Variants in KIAA1671 observed in about 807,000 individuals in gnomAD.
The protein encoded by KIAA1671 is uncharacterized protein KIAA1671.
In KIAA1671, 52 loss-of-function variants were observed where a neutral mutation model predicts 131.2. The observed-to-expected ratio is 0.40, with a 90% CI of 0.32 to 0.50. The LOEUF (loss-of-function observed/expected upper bound fraction) is 0.50. Ranked by LOEUF, KIAA1671 falls within the 20% of genes least tolerant of loss-of-function variation. The pLI, the probability that KIAA1671 is intolerant of heterozygous loss-of-function variation, is 0.73. For missense variants in KIAA1671, 2,360 were observed against 2,364.2 expected (o/e 1.00, Z 0.04); for synonymous variants, 1,003 against 961.6 (o/e 1.04, Z -0.80).
intron 6 of KIAA1671, among the ~76,000 whole-genome samples, chr22:25,156,148 G>A (rs981056738): frequency 2.1e-5 from 3 of 145,140 alleles, no homozygotes; most frequent in Admixed American, 7.2e-5. Context: ...TCAGCCTCCC[G>A]AGTAGCTGGG....
intron 1 of KIAA1671, among the ~76,000 whole-genome samples, chr22:24,991,153 G>A (rs563067691): frequency 2.6e-5 from 4 of 152,180 alleles, no homozygotes; most frequent in African/African-American, 9.6e-5. Flanking sequence ...CTGAGTAGCT[G>A]GGACTACAGG....
chr22:24,980,571 A>G (rs577161620), intron 1 of KIAA1671, among the ~76,000 whole-genome samples: 13 of 152,050 alleles, frequency 8.5e-5, no homozygotes, highest in African/African-American at 1.9e-4. Flanking sequence ...CACCCAGCCC[A>G]GTTTCTTTGA....
chr22:25,107,549 A>G (rs55754507), intron 6 of KIAA1671, among the ~76,000 whole-genome samples: 10 of 128,956 alleles, frequency 7.8e-5, no homozygotes, highest in African/African-American at 3.1e-4. Flanking sequence ...ATCACAGCTC[A>G]CTGCAGCCTT....
At chr22:25,004,291 T>G (rs1410160744) in intron 1 of KIAA1671, among the ~76,000 whole-genome samples, 2 of 152,076 alleles carry the variant, frequency 1.3e-5, no homozygotes, top group Non-Finnish European at 2.9e-5. Flanking sequence ...AATTTTTGTA[T>G]TTTTTGTAGA....
At chr22:24,969,585 A>C (rs1922492777) in intron 1 of KIAA1671, among the ~76,000 whole-genome samples, 1 of 152,230 alleles carries the variant, frequency 6.6e-6, no homozygotes, top group Non-Finnish European at 1.5e-5. Context: ...ACAGATAAAT[A>C]AAAAGGAGAT....
intron 6 of KIAA1671, among the ~76,000 whole-genome samples, chr22:25,128,868 A>T (rs1315568964): frequency 6.6e-6 from 1 of 152,186 alleles, no homozygotes; most frequent in Non-Finnish European, 1.5e-5. Flanking sequence ...GCTGGTTTGG[A>T]TTCCGTCCTT....
rs1419930566 is a variant in KIAA1671, at chr22:25,040,132, A to G, written c.3002A>G (p.Glu1001Gly). 2.7e-5 allele frequency: 42 copies of G among 1,551,694 alleles called. No homozygotes were observed. Among genetic ancestry groups the G allele is most frequent in the Non-Finnish European group, 3.5e-5 (40 of 1,146,990 alleles). Residue 1001 changes from glutamate (E) to glycine (G), a missense_variant, in exon 5 of 13, where the codon GAG (glutamate) becomes GGG (glycine). Around this residue, in one of 3 missense-constraint regions of KIAA1671, gnomAD observed 1,161 missense variants for 1,204.7 expected, o/e 0.96. Coordinates refer to ENST00000358431, the MANE Select transcript of KIAA1671 (RefSeq NM_001145206.2). ...QLSHYRVETQ[E>G]VNPGASRDQT... ...TCCCACTACAGGGTGGAGACCCAGG[A>G]GGTGAACCCAGGTGCTTCACGGGAC...
Position 25,006,222 on chromosome 22 carries a change from G to A in KIAA1671, c.-207-19411G>A, listed in dbSNP as rs373904339. Among the ~76,000 whole-genome samples, 67 of 152,044 alleles carry A rather than the reference G, an allele frequency of 4.4e-4. No individual in the cohort carries two copies. In the East Asian group the frequency reaches 7.4e-3, roughly 17 times the overall value. On this transcript the variant is annotated intron_variant, in intron 1 of 12. Transcript: ENST00000358431. ...AGTTTTTTGTATTTTTAGTAGAGAC[G>A]GGGTTTCACCATGTTGGCCAGGCTG...
intron 6 of KIAA1671, among the ~76,000 whole-genome samples, chr22:25,094,378 C>T (rs1437218387): frequency 2.0e-5 from 3 of 152,034 alleles, no homozygotes; most frequent in African/African-American, 7.3e-5. Flanking sequence ...ACCTGAAGGG[C>T]CCTTATAGAT....
At chr22:25,184,565 G>A (rs1286500003) in intron 10 of KIAA1671, among the ~76,000 whole-genome samples, 1 of 152,136 alleles carries the variant, frequency 6.6e-6, no homozygotes, top group African/African-American at 2.4e-5. Flanking sequence ...GTTTTCTTAT[G>A]GGACTCTAAT....
chr22:25,157,279 G>A (rs1294999302), intron 6 of KIAA1671, among the ~76,000 whole-genome samples: 1 of 152,178 alleles, frequency 6.6e-6, no homozygotes, highest in Admixed American at 6.5e-5. Flanking sequence ...CTCTCCTAGA[G>A]ACAAGTATGA....
In KIAA1671 at chr22:25,039,382, C is replaced by G; in HGVS notation, c.2252C>G (p.Ala751Gly). 1 of 1,551,836 alleles carries G rather than the reference C, an allele frequency of 6.4e-7. No homozygotes were observed. The highest frequency in any genetic ancestry group is 8.7e-7 in the Non-Finnish European group (1 of 1,147,034). ...GTGCACAGCGAGGCCATCTCACCGG[C>G]ACCGGAGGAGAAAGCGGTCACGCTC... ...ERVHSEAISP[A>G]PEEKAVTLRS... Residue 751 changes from alanine (A) to glycine (G), a missense_variant, in exon 5 of 13, where the codon GCA becomes GGA. By Grantham distance (60) the Ala-to-Gly change is moderately conservative (BLOSUM62 0). Transcript: ENST00000358431.
intron 1 of KIAA1671, among the ~76,000 whole-genome samples, chr22:24,959,587 T>A (rs1180583829): frequency 6.6e-6 from 1 of 152,036 alleles, no homozygotes; most frequent in African/African-American, 2.4e-5. Context: ...CACATATATA[T>A]ATTTTTTCCT....
chr22:24,963,671 T>C (rs1006085033), intron 1 of KIAA1671, among the ~76,000 whole-genome samples: 1 of 152,074 alleles, frequency 6.6e-6, no homozygotes, highest in African/African-American at 2.4e-5. Flanking sequence ...CCGGGTGCGG[T>C]GGCTCACACC....
At chr22:25,077,317 C>T (rs1287654023) in intron 6 of KIAA1671, among the ~76,000 whole-genome samples, 1 of 149,222 alleles carries the variant, frequency 6.7e-6, no homozygotes, top group East Asian at 1.9e-4. Context: ...AGGAACTGTG[C>T]TGAGGATTAG....
intron 1 of KIAA1671, among the ~76,000 whole-genome samples, chr22:24,994,531 A>G (rs1602053361): frequency 1.3e-5 from 2 of 152,132 alleles, no homozygotes; most frequent in South Asian, 2.1e-4. Context: ...GTGGAGTCCA[A>G]CAGTGTTTGG....
intron 1 of KIAA1671, among the ~76,000 whole-genome samples, chr22:24,980,322 G>T (rs548972388): frequency 6.2e-5 from 9 of 145,256 alleles, no homozygotes; most frequent in Non-Finnish European, 1.4e-4. Flanking sequence ...CCCAGGCTAG[G>T]GTACAGTGGC....
At chr22:25,152,423 A>G (rs1244778729) in intron 6 of KIAA1671, among the ~76,000 whole-genome samples, 1 of 144,378 alleles carries the variant, frequency 6.9e-6, no homozygotes, top group Non-Finnish European at 1.5e-5. Context: ...CTGTGAGCAC[A>G]TGTGTACACA....
At chr22:24,981,969 A>G (rs1325652381) in intron 1 of KIAA1671, among the ~76,000 whole-genome samples, 1 of 152,196 alleles carries the variant, frequency 6.6e-6, no homozygotes, top group East Asian at 1.9e-4. Flanking sequence ...ATAACCATAT[A>G]TTACTGGATG....
Sources: gnomAD v4.1 joint callset for allele counts (sites outside exome capture counted in the v4.1 genomes callset) on GRCh38, gnomAD v4.1.1 for gene constraint, gnomAD v4.1.1 regional missense constraint, MANE v1.5 for transcripts, NCBI Gene and HGNC (gene_info 2026-07-23, HGNC 2026-07-21) for gene names.